The following PIKFYVE variants were observed in gnomAD, a reference collection of about 807,000 sequenced individuals.
PIKFYVE encodes 1-phosphatidylinositol 3-phosphate 5-kinase.
PIKFYVE carries 122 observed loss-of-function variants against 257.9 expected under a neutral mutation model. That is an observed-to-expected ratio of 0.47 (90% CI 0.41 to 0.55). PIKFYVE has a LOEUF of 0.55. Ranked by LOEUF, PIKFYVE falls within the 20% of genes least tolerant of loss-of-function variation. The pLI is 0.00. For missense variants in PIKFYVE, 2,160 were observed against 2,536.6 expected, an observed-to-expected ratio of 0.85 and a Z score of 3.19; for synonymous variants, 892 against 868.9, an observed-to-expected ratio of 1.03 and a Z score of -0.47.
At chr2:208,306,775 C>A (rs10179277) in intron 12 of PIKFYVE, among the ~76,000 whole-genome samples, 139,844 of 150,320 alleles carry the variant, frequency 0.93, 65,579 homozygotes, top group Non-Finnish European at 0.98. Flanking sequence ...TGATTTCAAT[C>A]CTTTTTTTTT....
Position 208,356,756 on chromosome 2 carries a change from C to A in PIKFYVE, c.*1451C>A, listed in dbSNP as rs1405486768. 6.6e-6 allele frequency: 1 copy of A among 152,620 alleles called. No homozygotes were observed. The highest frequency in any genetic ancestry group is 1.5e-5 in the Non-Finnish European group (1 of 68,036). 9.5% of individuals were successfully genotyped at this position (152,620 alleles called of 1,614,324 possible). ...AAAGTGATCAGAAGTAGTAAACTAT[C>A]TTTGAGGAAATACTGTAACCCCAGA... On this transcript the variant is annotated 3_prime_UTR_variant, in exon 42 of 42. Coordinates refer to ENST00000264380, the MANE Select transcript of PIKFYVE (RefSeq NM_015040.4).
chr2:208,285,370 T>C (rs1303181515), intron 5 of PIKFYVE, among the ~76,000 whole-genome samples: 1 of 152,240 alleles, frequency 6.6e-6, no homozygotes, highest in Non-Finnish European at 1.5e-5. Context: ...GTTGGGATTA[T>C]AGGCGTGAGC....
At chr2:208,274,201 C>A in intron 3 of PIKFYVE, 1 of 846,674 alleles carries the variant, frequency 1.2e-6, no homozygotes, top group Non-Finnish European at 1.9e-6. Context: ...GGGGTGCAAA[C>A]TGTCAGTGTG....
chr2:208,347,568 A>G (rs539242231), intron 34 of PIKFYVE, among the ~76,000 whole-genome samples: 2 of 152,310 alleles, frequency 1.3e-5, no homozygotes, highest in African/African-American at 4.8e-5. Context: ...AAGGCTTTCT[A>G]GATAATTCCC....
intron 5 of PIKFYVE, among the ~76,000 whole-genome samples, chr2:208,283,542 A>T (rs1400777409): frequency 6.6e-6 from 1 of 151,712 alleles, no homozygotes; most frequent in African/African-American, 2.4e-5. Flanking sequence ...GTTGTAGTAA[A>T]TTGAAAGTCT....
At chr2:208,280,394 T>G (rs1690655584) in intron 5 of PIKFYVE, among the ~76,000 whole-genome samples, 1 of 152,204 alleles carries the variant, frequency 6.6e-6, no homozygotes, top group East Asian at 1.9e-4. Context: ...GGACCTGAGC[T>G]AAAGCTTCAC....
At chr2:208,308,900 G>T (rs1286593540) in intron 12 of PIKFYVE, among the ~76,000 whole-genome samples, 2 of 152,028 alleles carry the variant, frequency 1.3e-5, no homozygotes, top group Non-Finnish European at 2.9e-5. Context: ...TAGAGACAGG[G>T]TTTCACCCTG....
chr2:208,333,645 T>C, intron 24 of PIKFYVE, 152 bp downstream of exon 24: 1 of 837,176 alleles, frequency 1.2e-6, no homozygotes, highest in African/African-American at 1.7e-5. Flanking sequence ...TATTAAGAAC[T>C]TTCAGTATTA....
chr2:208,351,129 T>C (rs1366430785), intron 37 of PIKFYVE, among the ~76,000 whole-genome samples, 182 bp downstream of exon 37: 1 of 152,216 alleles, frequency 6.6e-6, no homozygotes, highest in Non-Finnish European at 1.5e-5. Context: ...GAACTGAACT[T>C]AGATGTGTTA....
chr2:208,319,729 C>A (rs1047442374), intron 16 of PIKFYVE, among the ~76,000 whole-genome samples: 3 of 152,152 alleles, frequency 2.0e-5, no homozygotes, highest in Non-Finnish European at 2.9e-5. Context: ...GAGATGCTTT[C>A]AGATTTTCTT....
chr2:208,266,882 C>T (rs1243507149), intron 1 of PIKFYVE, among the ~76,000 whole-genome samples: 1 of 152,206 alleles, frequency 6.6e-6, no homozygotes, highest in East Asian at 1.9e-4. Flanking sequence ...CTTGCCTCTG[C>T]TATTTGAGAC....
chr2:208,346,453 A>C (rs1699242578), intron 34 of PIKFYVE, among the ~76,000 whole-genome samples: 1 of 152,208 alleles, frequency 6.6e-6, no homozygotes. Flanking sequence ...CCTAAGATGC[A>C]AGATACGTTT....
At chr2:208,279,181 G>C (rs960203343) in intron 5 of PIKFYVE, among the ~76,000 whole-genome samples, 1 of 152,070 alleles carries the variant, frequency 6.6e-6, no homozygotes, top group Non-Finnish European at 1.5e-5. Flanking sequence ...TTTCATGTTT[G>C]TTGGCCACTT....
At chr2:208,292,835 A>G (rs1692485690) in intron 7 of PIKFYVE, among the ~76,000 whole-genome samples, 2 of 151,800 alleles carry the variant, frequency 1.3e-5, no homozygotes, top group South Asian at 2.1e-4. Context: ...TAGACAATGT[A>G]TTTTTGGGTC....
At chr2:208,320,380 A>G (rs1696074889) in intron 17 of PIKFYVE, 21 bp downstream of exon 17, 1 of 1,609,102 alleles carries the variant, frequency 6.2e-7, no homozygotes, top group Non-Finnish European at 8.5e-7. Context: ...ACTACTGAAA[A>G]TAATAATTTA....
Position 208,356,823 on chromosome 2 carries a change from G to A in PIKFYVE, c.*1518G>A, listed in dbSNP as rs1463582803. On this transcript the variant is annotated 3_prime_UTR_variant, in exon 42 of 42. Coordinates refer to ENST00000264380, the MANE Select transcript of PIKFYVE (RefSeq NM_015040.4). ...TCTTTTTGTAACAAGGATAATTTAG[G>A]GATTTATAAAGTTGTAAGGATTTCA... 6.6e-6 allele frequency: 1 copy of A among 152,542 alleles called. No homozygotes were observed. Among genetic ancestry groups the A allele is most frequent in the Admixed American group, 6.5e-5 (1 of 15,276 alleles). 9.4% of individuals were successfully genotyped at this position (152,542 alleles called of 1,614,324 possible). A position where few individuals can be genotyped will look rare whatever the true frequency, so the allele number is the denominator to read the frequency against.
chr2:208,305,057 G>C (rs761727799), intron 12 of PIKFYVE, 44 bp downstream of exon 12: 3 of 1,612,232 alleles, frequency 1.9e-6, no homozygotes, highest in Non-Finnish European at 2.5e-6. Context: ...AGGCTGGACA[G>C]CTGGGCCATA....
intron 5 of PIKFYVE, among the ~76,000 whole-genome samples, chr2:208,283,956 G>A (rs188416252): frequency 7.9e-5 from 12 of 152,234 alleles, no homozygotes; most frequent in Non-Finnish European, 4.4e-5. Flanking sequence ...AGGCCATTTT[G>A]GTAGTGATTA....
intron 7 of PIKFYVE, among the ~76,000 whole-genome samples, chr2:208,294,683 T>G (rs1161559573): frequency 6.6e-6 from 1 of 151,798 alleles, no homozygotes; most frequent in Non-Finnish European, 1.5e-5. Context: ...GGGGCTGGAG[T>G]TGGGGATTTT....
Sources: allele counts gnomAD v4.1 joint callset (sites outside exome capture counted in the v4.1 genomes callset), GRCh38; gene constraint gnomAD v4.1.1; transcripts MANE v1.5; gene names NCBI Gene and HGNC (gene_info 2026-07-23, HGNC 2026-07-21).